DLGAP5: variants seen among roughly 807,000 people sequenced by gnomAD.
DLGAP5 encodes DLG associated protein 5, also known as disks large-associated protein 5.
Under a neutral mutation model 99.6 loss-of-function variants are expected in DLGAP5, and 90 were observed. The ratio of observed to expected loss-of-function variants is 0.90; its 90% CI spans 0.76 to 1.08. The LOEUF (loss-of-function observed/expected upper bound fraction) is 1.08. Ranked by LOEUF, DLGAP5 falls within the 50% of genes least tolerant of loss-of-function variation. DLGAP5 has a pLI of 0.00. For missense variants in DLGAP5, 1,036 were observed against 983.5 expected (o/e 1.05, Z -0.71); for synonymous variants, 311 against 321.3 (o/e 0.97, Z 0.34).
At chr14:55,154,519 TA>T in intron 15 of DLGAP5, 97 bp downstream of exon 15, 1 of 1,010,000 alleles carries the variant, frequency 9.9e-7, no homozygotes, top group Non-Finnish European at 1.5e-6. Flanking sequence ...TGAAATTTAT[TA>T]AAAATATATG....
chr14:55,181,263 G>C lies in DLGAP5; in HGVS notation c.530C>G (p.Pro177Arg). 6.2e-7 allele frequency: 1 copy of C among 1,614,042 alleles called. No individual in the cohort carries two copies. The highest frequency in any genetic ancestry group is 8.5e-7 in the Non-Finnish European group (1 of 1,180,002). Residue 177 changes from proline to arginine, a missense_variant, in exon 5 of 19, where the codon CCT (proline) becomes CGT (arginine). Coordinates refer to ENST00000247191, the MANE Select transcript of DLGAP5 (RefSeq NM_014750.5). ...CTTTTCAGAAGTTTGTCTTGGACCA[G>C]GTCGGATTGCTCGAACATCACTCTC... ...DNESDVRAIR[P>R]GPRQTSEKKV...
chr14:55,176,980 A>G (rs1166063857), intron 8 of DLGAP5, 82 bp downstream of exon 8: 17 of 688,478 alleles, frequency 2.5e-5, no homozygotes, highest in East Asian at 8.3e-5. Context: ...CCGTCTGAAA[A>G]AAAAAAAAAA....
intron 7 of DLGAP5, 133 bp from the exon 8 acceptor site, chr14:55,177,469 T>A: frequency 1.3e-6 from 1 of 745,118 alleles, no homozygotes; most frequent in Non-Finnish European, 2.0e-6. Flanking sequence ...CAAAAACAGA[T>A]ACAATTAAGT....
chr14:55,175,581 T>G, intron 9 of DLGAP5, 109 bp from the exon 10 acceptor site: 1 of 766,320 alleles, frequency 1.3e-6, no homozygotes, highest in Non-Finnish European at 2.1e-6. Context: ...ATTTTAAAAT[T>G]TTATTTCTGC....
chr14:55,172,248 G>A (rs1443312487), intron 10 of DLGAP5, among the ~76,000 whole-genome samples: 1 of 150,278 alleles, frequency 6.7e-6, no homozygotes, highest in African/African-American at 2.4e-5. Context: ...AGCACTTTGT[G>A]AGGCTGAGGC....
chr14:55,190,832 T>G (rs1018504099), intron 1 of DLGAP5, among the ~76,000 whole-genome samples: 2 of 152,182 alleles, frequency 1.3e-5, no homozygotes, highest in Admixed American at 1.3e-4. Context: ...CAATATTAAT[T>G]CGCTAAAGAT....
In DLGAP5 at chr14:55,174,026, C is replaced by G. The variant is rs1480681971; in HGVS notation, c.1301+1320G>C. Among the ~76,000 whole-genome samples the G allele has an allele frequency of 3.9e-5, 6 of 152,220 alleles. No homozygotes were observed. The East Asian group carries it at 5.8e-4, about 15-fold the overall frequency. ...GGAATAAGAGAGATAACCTTAAACT[C>G]TGGCCGCCGGTGAGCCGGGCGGAAC... On this transcript the variant is annotated intron_variant, in intron 10 of 18. Coordinates refer to ENST00000247191, the MANE Select transcript of DLGAP5 (RefSeq NM_014750.5).
chr14:55,182,107 T>G (rs1441927854), intron 4 of DLGAP5, among the ~76,000 whole-genome samples: 1 of 152,192 alleles, frequency 6.6e-6, no homozygotes, highest in African/African-American at 2.4e-5. Flanking sequence ...TGCAGGTAAC[T>G]TGGAATGCAT....
Position 55,189,162 on chromosome 14 carries a change from A to C in DLGAP5, c.18T>G (p.Phe6Leu). The C allele has an allele frequency of 3.1e-6, 5 of 1,612,920 alleles. No homozygotes were observed. The highest frequency in any genetic ancestry group is 4.2e-6 in the Non-Finnish European group (5 of 1,179,540). The change falls in exon 2 of 19, where the codon TTT becomes TTG. Residue 6 changes from phenylalanine to leucine, a missense_variant. Physicochemically the swap from Phe to Leu is conservative, Grantham distance 22 (BLOSUM62 0). Transcript: ENST00000247191. MSSSH[F>L]ASRHRKDIST... ...TTATATCCTTCCTGTGTCGACTGGC[A>C]AAATGTGATGAAGACATCCTGTCAA... is the stretch of plus-strand genomic sequence containing the variant.
At chr14:55,153,927 G>A (rs111279339) in intron 15 of DLGAP5, among the ~76,000 whole-genome samples, 10 of 151,904 alleles carry the variant, frequency 6.6e-5, no homozygotes, top group East Asian at 5.8e-4. Context: ...GTGGTGGCGC[G>A]TGTCTGTAGT....
At chr14:55,185,295 G>T (rs1181939584) in intron 2 of DLGAP5, among the ~76,000 whole-genome samples, 6 of 152,330 alleles carry the variant, frequency 3.9e-5, no homozygotes, top group Admixed American at 2.6e-4. Context: ...GGCCTCCCGG[G>T]TTCAAGCGAT....
chr14:55,157,925 G>GT (rs1282270539), intron 14 of DLGAP5, among the ~76,000 whole-genome samples: 1 of 152,160 alleles, frequency 6.6e-6, no homozygotes, highest in Non-Finnish European at 1.5e-5. Context: ...GCCAGGCTCG[G>GT]TTAATATTTT....
At chr14:55,173,758 C>A (rs1014795435) in intron 10 of DLGAP5, among the ~76,000 whole-genome samples, 3 of 152,168 alleles carry the variant, frequency 2.0e-5, no homozygotes, top group Non-Finnish European at 4.4e-5. Flanking sequence ...GTCTTTACTG[C>A]AATCTCTAAA....
chr14:55,150,698 CAA>C, intron 18 of DLGAP5, 99 bp downstream of exon 18: 1 of 903,408 alleles, frequency 1.1e-6, no homozygotes, highest in Non-Finnish European at 1.6e-6. Flanking sequence ...AAAACAATGA[CAA>C]GATATACATT....
chr14:55,149,581 A>G (rs927005700), intron 18 of DLGAP5, among the ~76,000 whole-genome samples: 2 of 152,218 alleles, frequency 1.3e-5, no homozygotes, highest in African/African-American at 4.8e-5. Flanking sequence ...TGCTTTATGA[A>G]TGAATTTCTC....
At chr14:55,150,202 T>C (rs1881968027) in intron 18 of DLGAP5, 1 of 152,306 alleles carries the variant, frequency 6.6e-6, no homozygotes, top group Admixed American at 6.5e-5. Context: ...TTACAGTTAA[T>C]AAGGAATTTT....
rs1594665990 is a variant in DLGAP5 at position 55,158,831 on chromosome 14, A to G, written c.1654-90T>C. The G allele has an allele frequency of 8.7e-5, 75 of 857,904 alleles. No individual in the cohort carries two copies. The South Asian group carries it at 1.3e-3, about 15-fold the overall frequency. The allele number at this position is 857,904 out of a possible 1,614,324, so 53.1% of individuals were successfully genotyped here. The stretch of plus-strand genomic sequence containing the variant: ...ACACAAATTCATCACTTAAAAATTT[A>G]ATTTTTAAAAATAAAGTATACATAA... On this transcript the variant is annotated intron_variant, in intron 13 of 18. Coordinates refer to ENST00000247191, the MANE Select transcript of DLGAP5 (RefSeq NM_014750.5).
At chr14:55,169,150 T>C (rs1266887728) in intron 12 of DLGAP5, among the ~76,000 whole-genome samples, 2 of 127,450 alleles carry the variant, frequency 1.6e-5, no homozygotes, top group Non-Finnish European at 3.1e-5. Flanking sequence ...CACTCCAGCC[T>C]GGGTGACAGA....
intron 1 of DLGAP5, chr14:55,191,103 G>C: frequency 6.6e-6 from 1 of 152,154 alleles, no homozygotes; most frequent in Non-Finnish European, 1.5e-5. Flanking sequence ...GTTTCCTCCA[G>C]CTTGAAAGTC....
Sources: allele counts gnomAD v4.1 joint callset (sites outside exome capture counted in the v4.1 genomes callset), GRCh38; gene constraint gnomAD v4.1.1; transcripts MANE v1.5; gene names NCBI Gene and HGNC (gene_info 2026-07-23, HGNC 2026-07-21).